TMEM132C: variants seen among roughly 807,000 people sequenced by gnomAD.
TMEM132C encodes the protein protein phosphatase 1, regulatory subunit 152.
In TMEM132C, 29 loss-of-function variants were observed where a neutral mutation model predicts 61.4. The observed-to-expected ratio is 0.47, with a 90% CI of 0.35 to 0.64. The LOEUF is 0.64. Among genes scored for constraint, TMEM132C ranks in the 30% least tolerant of loss-of-function variants. The pLI is 0.00. For synonymous variants in TMEM132C, 656 were observed against 633.1 expected, an observed-to-expected ratio of 1.04 and a Z score of -0.54; for missense variants, 1,408 against 1,476.9, an observed-to-expected ratio of 0.95 and a Z score of 0.76.
chr12:128,395,120 G>A (rs887603206), intron 1 of TMEM132C, among the ~76,000 whole-genome samples: 1 of 150,904 alleles, frequency 6.6e-6, no homozygotes, highest in Non-Finnish European at 1.5e-5. Flanking sequence ...TCAGTTTCTT[G>A]TTATTGTAAC....
intron 1 of TMEM132C, among the ~76,000 whole-genome samples, chr12:128,409,123 C>T (rs1593042930): frequency 6.6e-6 from 1 of 152,154 alleles, no homozygotes; most frequent in African/African-American, 2.4e-5. Context: ...GCAATTGCGG[C>T]AGTTGAAGTG....
chr12:128,700,959 G>A (rs1047344985), intron 8 of TMEM132C, among the ~76,000 whole-genome samples: 1 of 152,154 alleles, frequency 6.6e-6, no homozygotes, highest in African/African-American at 2.4e-5. Flanking sequence ...TAGAGAAGTC[G>A]GGGGTGATGG....
chr12:128,685,375 G>A (rs999642919), intron 5 of TMEM132C, among the ~76,000 whole-genome samples: 2 of 152,172 alleles, frequency 1.3e-5, no homozygotes, highest in African/African-American at 2.4e-5. Context: ...GCAGGTAAGC[G>A]GGGCTCGGCC....
intron 2 of TMEM132C, among the ~76,000 whole-genome samples, chr12:128,461,215 A>G (rs141509580): frequency 1.1e-4 from 16 of 152,282 alleles, no homozygotes; most frequent in African/African-American, 3.4e-4. Flanking sequence ...TTTAAAATCT[A>G]CATGTTCTGA....
intron 4 of TMEM132C, among the ~76,000 whole-genome samples, chr12:128,660,212 TG>T (rs1954372950): frequency 6.6e-6 from 1 of 152,080 alleles, no homozygotes; most frequent in Non-Finnish European, 1.5e-5. Flanking sequence ...GAAAGGAAGA[TG>T]GTGTCACTGT....
rs886467192 is a variant in TMEM132C at position 128,525,017 on chromosome 12, C to T, written c.975-18940C>T. Among the ~76,000 whole-genome samples, 124 of 152,204 alleles carry T rather than the reference C, an allele frequency of 8.1e-4. 1 individual carries two copies. The highest frequency in any genetic ancestry group is 2.9e-3 in the African/African-American group (121 of 41,448). On this transcript the variant is annotated intron_variant, in intron 2 of 8. Coordinates refer to ENST00000435159, the MANE Select transcript of TMEM132C (RefSeq NM_001136103.3). ...ATCTGGAAGGATCCCGCCAGGATAA[C>T]GGATGAGGCAGACCCTTGAGAGGAC...
In TMEM132C at chr12:128,573,532, C is replaced by G. The variant is rs571758409; in HGVS notation, c.1121+29429C>G. On this transcript the variant is annotated intron_variant, in intron 3 of 8. Transcript: ENST00000435159. The stretch of plus-strand genomic sequence containing the variant: ...TGAGTTAATGGGTGCAGCATACCAA[C>G]ATGGCACATGTATACATATGTAACA... 1.4e-4 allele frequency among the ~76,000 whole-genome samples: 22 copies of G among 152,010 alleles called. 1 individual carries two copies. Among genetic ancestry groups the G allele is most frequent in the African/African-American group, 5.3e-4 (22 of 41,440 alleles).
chr12:128,559,096 AAC>A (rs368220802), intron 3 of TMEM132C, among the ~76,000 whole-genome samples: 6,270 of 149,066 alleles, frequency 0.042, 436 homozygotes, highest in African/African-American at 0.15. Context: ...TGCATATGCA[AAC>A]ACACACACAC....
chr12:128,482,554 C>T (rs1048279072), intron 2 of TMEM132C, among the ~76,000 whole-genome samples: 2 of 152,098 alleles, frequency 1.3e-5, no homozygotes, highest in African/African-American at 4.8e-5. Context: ...GAAATGGTAC[C>T]GGCTCTTCTT....
At chr12:128,321,138 A>AAATAATAATAAT (rs58166037) in intron 1 of TMEM132C, among the ~76,000 whole-genome samples, 2 of 143,776 alleles carry the variant, frequency 1.4e-5, no homozygotes, top group African/African-American at 5.1e-5. Context: ...CATTTTTGAA[A>AAATAATAATAAT]AATAATAATA....
intron 5 of TMEM132C, among the ~76,000 whole-genome samples, chr12:128,685,489 T>G (rs1353408898): frequency 6.6e-6 from 1 of 152,228 alleles, no homozygotes; most frequent in African/African-American, 2.4e-5. Flanking sequence ...GGGCCCACAC[T>G]GAGAGATTGT....
At chr12:128,635,591 G>C (rs1954097355) in intron 4 of TMEM132C, among the ~76,000 whole-genome samples, 1 of 150,892 alleles carries the variant, frequency 6.6e-6, no homozygotes, top group Admixed American at 6.6e-5. Context: ...GGAGAGTTCT[G>C]TTTTCCCTTT....
At chr12:128,571,872 G>A (rs1169046056) in intron 3 of TMEM132C, among the ~76,000 whole-genome samples, 3 of 152,188 alleles carry the variant, frequency 2.0e-5, no homozygotes, top group Non-Finnish European at 4.4e-5. Context: ...CCCGTACCAG[G>A]TCTTCATCTT....
chr12:128,605,485 A>G (rs115570412), intron 3 of TMEM132C, among the ~76,000 whole-genome samples: 3,427 of 152,284 alleles, frequency 0.023, 134 homozygotes, highest in African/African-American at 0.078. Context: ...AAACACCCTC[A>G]CAGATACACC....
chr12:128,409,146 G>A (rs1479400847), intron 1 of TMEM132C, among the ~76,000 whole-genome samples: 2 of 152,194 alleles, frequency 1.3e-5, no homozygotes, highest in Non-Finnish European at 2.9e-5. Context: ...TGGGTCATGA[G>A]TGTGTAGCAA....
At chr12:128,335,401 T>C (rs1362541836) in intron 1 of TMEM132C, among the ~76,000 whole-genome samples, 1 of 152,234 alleles carries the variant, frequency 6.6e-6, no homozygotes, top group Non-Finnish European at 1.5e-5. Flanking sequence ...GTTTTACATA[T>C]TGGCATTTGG....
intron 2 of TMEM132C, among the ~76,000 whole-genome samples, chr12:128,494,070 A>G (rs897743793): frequency 1.1e-4 from 16 of 152,152 alleles, no homozygotes; most frequent in African/African-American, 3.9e-4. Context: ...GGGCTGTTGA[A>G]TTTTGTCAAA....
At chr12:128,659,254 G>A (rs568347889) in intron 4 of TMEM132C, among the ~76,000 whole-genome samples, 1 of 152,218 alleles carries the variant, frequency 6.6e-6, no homozygotes, top group East Asian at 1.9e-4. Flanking sequence ...CCATGGACAG[G>A]AATTGGCTCC....
intron 2 of TMEM132C, among the ~76,000 whole-genome samples, chr12:128,470,384 G>A (rs535948720): frequency 4.1e-4 from 63 of 152,110 alleles, no homozygotes; most frequent in Non-Finnish European, 8.1e-4. Context: ...CTTCCCTTTG[G>A]TTCTGTCGCT....
Sources: allele counts gnomAD v4.1 joint callset (sites outside exome capture counted in the v4.1 genomes callset), GRCh38; gene constraint gnomAD v4.1.1; transcripts MANE v1.5; gene names NCBI Gene and HGNC (gene_info 2026-07-23, HGNC 2026-07-21).